The following STRN variants were observed in gnomAD, a reference collection of about 807,000 sequenced individuals.
STRN encodes the protein striatin, also known as protein phosphatase 2 regulatory subunit B'''alpha.
In STRN, 53 loss-of-function variants were observed where a neutral mutation model predicts 96.3. The observed-to-expected ratio is 0.55, with a 90% CI of 0.44 to 0.69. STRN has a LOEUF of 0.69. STRN is among the 30% of genes least tolerant of loss of function. STRN has a pLI of 0.00. For missense variants in STRN, 987 were observed against 963.9 expected (o/e 1.02, Z -0.32); for synonymous variants, 428 against 355.9 (o/e 1.20, Z -2.28).
At chr2:36,914,993 C>A (rs1359142713) in intron 3 of STRN, among the ~76,000 whole-genome samples, 1 of 151,444 alleles carries the variant, frequency 6.6e-6, no homozygotes. Flanking sequence ...GTCAGGAGAT[C>A]GAGACCATCC....
chr2:36,870,201 T>C (rs1668727884), intron 10 of STRN, among the ~76,000 whole-genome samples: 1 of 150,302 alleles, frequency 6.7e-6, no homozygotes, highest in Non-Finnish European at 1.5e-5. Context: ...ACTGGAAACA[T>C]AAAATGTTAA....
chr2:36,883,615 T>C (rs1669136250), intron 9 of STRN, among the ~76,000 whole-genome samples: 1 of 152,244 alleles, frequency 6.6e-6, no homozygotes. Context: ...AGTAAACATT[T>C]ACTACCAATT....
chr2:36,869,062 T>C lies in STRN; in HGVS notation c.1499+492A>G, dbSNP rs138982877. Among the ~76,000 whole-genome samples, 36 of 152,244 alleles carry C rather than the reference T, an allele frequency of 2.4e-4. 1 individual carries two copies. In the East Asian group the frequency reaches 6.7e-3, roughly 29 times the overall value. On this transcript the variant is annotated intron_variant, in intron 11 of 17. Transcript: ENST00000263918. ...ATGTTAGCCTCTGAGTCTAGACATA[T>C]TGGTGGGTATGGAAAGTACCTAAAG...
At chr2:36,931,966 G>A (rs755328684) in intron 1 of STRN, among the ~76,000 whole-genome samples, 3 of 151,938 alleles carry the variant, frequency 2.0e-5, no homozygotes, top group Non-Finnish European at 2.9e-5. Flanking sequence ...GACTATAGGC[G>A]CATACGACCA....
At chr2:36,859,875 C>G (rs1668433044) in intron 13 of STRN, among the ~76,000 whole-genome samples, 4 of 152,166 alleles carry the variant, frequency 2.6e-5, no homozygotes, top group Admixed American at 2.6e-4. Flanking sequence ...CAATTAGTTA[C>G]TGACAATCTT....
At chr2:36,929,942 G>A (rs1670527669) in intron 1 of STRN, among the ~76,000 whole-genome samples, 1 of 152,174 alleles carries the variant, frequency 6.6e-6, no homozygotes, top group Non-Finnish European at 1.5e-5. Flanking sequence ...AAGTAAAAGA[G>A]GAAATATATA....
chr2:36,930,564 G>A (rs540125965), intron 1 of STRN, among the ~76,000 whole-genome samples: 1 of 152,056 alleles, frequency 6.6e-6, no homozygotes, highest in Non-Finnish European at 1.5e-5. Flanking sequence ...TCTGGAGTGG[G>A]GCCCAAGAAT....
At chr2:36,867,059 C>A (rs1317180260) in intron 12 of STRN, among the ~76,000 whole-genome samples, 7 of 152,164 alleles carry the variant, frequency 4.6e-5, no homozygotes, top group African/African-American at 4.8e-5. Context: ...CCATTTGATC[C>A]TGTGATCATG....
rs1668016339 is a variant in STRN at position 36,844,394 on chromosome 2, G to C, written c.*5062C>G. On this transcript the variant is annotated 3_prime_UTR_variant, in exon 18 of 18. Transcript: ENST00000263918. ...CATTCTCTGAGACATTTTCAGAGAG[G>C]AGCTAACTAACACCCACCCAGGGGG... 1 of 152,132 alleles carries C rather than the reference G, an allele frequency of 6.6e-6. No homozygotes were observed. The highest frequency in any genetic ancestry group is 1.5e-5 in the Non-Finnish European group (1 of 68,020). 9.4% of individuals were successfully genotyped at this position (152,132 alleles called of 1,614,324 possible). A position where few individuals can be genotyped will look rare whatever the true frequency, so the allele number is the denominator to read the frequency against.
At chr2:36,947,007 T>C (rs1166877277) in intron 1 of STRN, among the ~76,000 whole-genome samples, 2 of 152,106 alleles carry the variant, frequency 1.3e-5, no homozygotes, top group Non-Finnish European at 2.9e-5. Context: ...GTGATTCTCC[T>C]TCCTGAGCCT....
chr2:36,927,524 A>AGGGGGGGGGG (rs3080759), intron 1 of STRN, among the ~76,000 whole-genome samples: 1 of 79,562 alleles, frequency 1.3e-5, no homozygotes, highest in Non-Finnish European at 2.6e-5. Context: ...AACAAAAAAA[A>AGGGGGGGGGG]GGGGGGGGGG....
chr2:36,962,856 A>G (rs1665062750), intron 1 of STRN, among the ~76,000 whole-genome samples: 1 of 151,916 alleles, frequency 6.6e-6, no homozygotes, highest in African/African-American at 2.4e-5. Flanking sequence ...AATGATAAAC[A>G]CTCTGATTCT....
In STRN at chr2:36,856,479, AAC is replaced by A. The variant is rs562365745; in HGVS notation, c.1838-1129_1838-1128del. 1.5e-4 allele frequency among the ~76,000 whole-genome samples: 23 copies of A among 152,374 alleles called. 1 individual carries two copies. In the South Asian group the frequency reaches 4.8e-3, roughly 32 times the overall value. The stretch of plus-strand genomic sequence containing the variant: ...TAAAAATGAAAGAAATAATTGATAT[AAC>A]ACAAATGAATTTCCAAAACATTATA... On this transcript the variant is annotated intron_variant, in intron 14 of 17. Transcript: ENST00000263918.
intron 1 of STRN, among the ~76,000 whole-genome samples, chr2:36,942,907 G>A (rs149289291): frequency 6.6e-6 from 1 of 152,080 alleles, no homozygotes; most frequent in African/African-American, 2.4e-5. Flanking sequence ...TGTTGGCCAG[G>A]CTGGTGTCGA....
At chr2:36,878,382 T>C (rs373052755) in intron 9 of STRN, among the ~76,000 whole-genome samples, 4 of 152,236 alleles carry the variant, frequency 2.6e-5, no homozygotes, top group African/African-American at 9.6e-5. Flanking sequence ...TTACTAAATA[T>C]ATGTACAAGT....
At chr2:36,958,996 G>C (rs573143486) in intron 1 of STRN, among the ~76,000 whole-genome samples, 1 of 152,052 alleles carries the variant, frequency 6.6e-6, no homozygotes, top group Non-Finnish European at 1.5e-5. Flanking sequence ...GGCGTCTGTA[G>C]TCCCAGCTAC....
intron 1 of STRN, among the ~76,000 whole-genome samples, chr2:36,957,278 A>C (rs764563909): frequency 3.9e-5 from 6 of 152,210 alleles, no homozygotes; most frequent in Non-Finnish European, 8.8e-5. Context: ...CAAACATCTT[A>C]AGTAATGCAT....
chr2:36,954,502 G>A (rs372518049), intron 1 of STRN, among the ~76,000 whole-genome samples: 8 of 141,040 alleles, frequency 5.7e-5, no homozygotes, highest in African/African-American at 2.1e-4. Flanking sequence ...ACAGAGTAAA[G>A]CCCTGTCTCA....
rs566363942 is a variant in STRN, at chr2:36,870,597, G to C, written c.1324-868C>G. Among the ~76,000 whole-genome samples, 5 of 152,266 alleles carry C rather than the reference G, an allele frequency of 3.3e-5. No homozygotes were observed. In the South Asian group the frequency reaches 1.0e-3, roughly 32 times the overall value. Reference sequence around the variant, plus strand: ...TTGTAGCACAATACATTACTCACATGTTTGTGGTGATGCTGGTATAAACAA... The same window carrying C: ...TTGTAGCACAATACATTACTCACATCTTTGTGGTGATGCTGGTATAAACAA... On this transcript the variant is annotated intron_variant, in intron 10 of 17. Transcript: ENST00000263918.
Sources: allele counts gnomAD v4.1 joint callset (sites outside exome capture counted in the v4.1 genomes callset), GRCh38; gene constraint gnomAD v4.1.1; transcripts MANE v1.5; gene names NCBI Gene and HGNC (gene_info 2026-07-23, HGNC 2026-07-21).